NPTX2: variants seen among roughly 807,000 people sequenced by gnomAD.
NPTX2 encodes neuronal pentraxin 2.
Under a neutral mutation model 38.1 loss-of-function variants are expected in NPTX2, and 23 were observed. The ratio of observed to expected loss-of-function variants is 0.60; its 90% CI spans 0.43 to 0.85. The LOEUF (loss-of-function observed/expected upper bound fraction) is 0.85. NPTX2 is among the 40% of genes least tolerant of loss of function. The pLI, the probability that NPTX2 is intolerant of heterozygous loss-of-function variation, is 0.00. For synonymous variants in NPTX2, 291 were observed against 287.3 expected (o/e 1.01, Z -0.13); for missense variants, 553 against 615.3 (o/e 0.90, Z 1.07).
chr7:98,617,931 T>C (rs986538685), intron 1 of NPTX2, 44 bp downstream of exon 1: 7 of 1,521,620 alleles, frequency 4.6e-6, no homozygotes, highest in African/African-American at 2.8e-5. Context: ...ATGGGGACGC[T>C]CCCGAGTCGG....
chr7:98,628,267 A>G (rs575221716), intron 4 of NPTX2, 135 bp from the exon 5 acceptor site: 6 of 577,156 alleles, frequency 1.0e-5, no homozygotes, highest in Non-Finnish European at 1.2e-5. Flanking sequence ...TGGGAGCTTC[A>G]GAACCTACAG....
At position 98,628,533 on chromosome 7, in the gene NPTX2, C is replaced by A; in HGVS notation, c.1200C>A (p.Gly400=). The change falls in exon 5 of 5, where the codon GGC becomes GGA. Residue 400 remains glycine (G), a synonymous_variant. Transcript: ENST00000265634. ...CCAACTGCTCCACAAACATGCCGGGCAACATCATCCCGTGGGTGGACAATA... is the reference window on the plus strand; with the variant it reads ...CCAACTGCTCCACAAACATGCCGGGAAACATCATCCCGTGGGTGGACAATA... ...NIANCSTNMP[G]NIIPWVDNNV... 6.2e-7 allele frequency: 1 copy of A among 1,611,444 alleles called. No individual in the cohort carries two copies.
chr7:98,619,827 C>T lies in NPTX2; in HGVS notation c.611C>T (p.Ala204Val), dbSNP rs866528902. The T allele has an allele frequency of 1.2e-5, 19 of 1,613,826 alleles. No homozygotes were observed. The highest frequency in any genetic ancestry group is 2.2e-5 in the East Asian group (1 of 44,888). ...CAGAAGACCGAGAGCACCCTGAACG[C>T]GCTGCTGCAGAGGGTCACCGAGCTG... ...HRQKTESTLN[A>V]LLQRVTELER... Residue 204 changes from alanine to valine, a missense_variant, in exon 2 of 5, where the codon GCG becomes GTG. Physicochemically the swap from Ala to Val is moderately conservative, Grantham distance 64. Transcript: ENST00000265634.
chr7:98,622,782 G>A (rs146990650), intron 2 of NPTX2, among the ~76,000 whole-genome samples: 11 of 152,334 alleles, frequency 7.2e-5, no homozygotes, highest in Non-Finnish European at 1.6e-4. Flanking sequence ...CTCTGCAGTG[G>A]CATCGAGAGG....
intron 2 of NPTX2, 63 bp from the exon 3 acceptor site, chr7:98,624,859 C>T: frequency 1.9e-6 from 3 of 1,560,898 alleles, no homozygotes; most frequent in Non-Finnish European, 2.6e-6. Flanking sequence ...TGGCTCTGGG[C>T]CGTGCTGGTG....
At chr7:98,619,483 C>G (rs2115611429) in intron 1 of NPTX2, among the ~76,000 whole-genome samples, 160 bp from the exon 2 acceptor site, 1 of 152,318 alleles carries the variant, frequency 6.6e-6, no homozygotes, top group South Asian at 2.1e-4. Context: ...CTTTTCCATA[C>G]CAAAAAAGCA....
intron 2 of NPTX2, among the ~76,000 whole-genome samples, chr7:98,621,467 G>T (rs1245380488): frequency 1.3e-5 from 2 of 152,198 alleles, no homozygotes; most frequent in Non-Finnish European, 2.9e-5. Context: ...TCAGCTCTGG[G>T]ATGTGCTTTA....
chr7:98,622,181 C>T (rs1791281495), intron 2 of NPTX2, among the ~76,000 whole-genome samples: 1 of 152,238 alleles, frequency 6.6e-6, no homozygotes, highest in Non-Finnish European at 1.5e-5. Flanking sequence ...CCTGCTGAGC[C>T]TCTCCGCCAC....
At position 98,617,318 on chromosome 7, in the gene NPTX2, A is replaced by G. The variant is rs556792940; in HGVS notation, c.-144A>G. The G allele has an allele frequency of 4.2e-4, 121 of 284,938 alleles. No homozygotes were observed. The highest frequency in any genetic ancestry group is 2.7e-3 in the African/African-American group (121 of 44,890). The allele number at this position is 284,938 out of a possible 1,614,324, so 17.7% of individuals were successfully genotyped here. A position where few individuals can be genotyped will look rare whatever the true frequency, so the allele number is the denominator to read the frequency against. On this transcript the variant is annotated 5_prime_UTR_variant, in exon 1 of 5. Transcript: ENST00000265634. ...GAGCAGCGCGGTGGGTGCGGCTGTG[A>G]GACGGCAGGAGACTTCTGCCCCGCG...
In NPTX2 at chr7:98,619,807, G is replaced by A. The variant is rs755168162; in HGVS notation, c.591G>A (p.Lys197=). The change falls in exon 2 of 5, where the codon AAG becomes AAA. Residue 197 remains lysine, a synonymous_variant. Coordinates refer to ENST00000265634, the MANE Select transcript of NPTX2 (RefSeq NM_002523.3). ...ATGAGACCTCGGCTCACCGGCAGAA[G>A]ACCGAGAGCACCCTGAACGCGCTGC... The part of the protein sequence containing the change: ...LHNETSAHRQ[K]TESTLNALLQ... 1 of 1,613,942 alleles carries A rather than the reference G, an allele frequency of 6.2e-7. No homozygotes were observed. The highest frequency in any genetic ancestry group is 1.1e-5 in the South Asian group (1 of 91,076).
At position 98,619,665 on chromosome 7, in the gene NPTX2, C is replaced by A; in HGVS notation, c.449C>A (p.Ser150Tyr). Reference protein sequence around the residue: ...SLEHQLRANVSNAGLPGDFRE... With the variant: ...SLEHQLRANVYNAGLPGDFRE... ...AAGCACCAGCTCAGAGCAAACGTGT[C>A]CAATGCTGGGCTGCCCGGCGACTTC... Residue 150 changes from serine to tyrosine, a missense_variant, in exon 2 of 5, where the codon TCC becomes TAC. Transcript: ENST00000265634. 6.2e-7 allele frequency: 1 copy of A among 1,613,272 alleles called. No homozygotes were observed. Among genetic ancestry groups the A allele is most frequent in the Non-Finnish European group, 8.5e-7 (1 of 1,180,012 alleles).
At chr7:98,625,540 ACT>A (rs1234813284) in intron 3 of NPTX2, among the ~76,000 whole-genome samples, 1 of 151,630 alleles carries the variant, frequency 6.6e-6, no homozygotes, top group Non-Finnish European at 1.5e-5. Flanking sequence ...AGTGTAAGAG[ACT>A]CCCCACAAGC....
At position 98,629,811 on chromosome 7, in the gene NPTX2, T is replaced by C. The variant is rs142901812; in HGVS notation, c.*1182T>C. ...CCAAGTCGACATGCCCATCCTGACA[T>C]TGTATGCTACGAGAACTCTTCTGAT... On this transcript the variant is annotated 3_prime_UTR_variant, in exon 5 of 5. Coordinates refer to ENST00000265634, the MANE Select transcript of NPTX2 (RefSeq NM_002523.3). 526 of 152,530 alleles carry C rather than the reference T, an allele frequency of 3.4e-3. 8 individuals carry two copies. Among genetic ancestry groups the C allele is most frequent in the South Asian group, 7.7e-3 (37 of 4,830 alleles). The allele number at this position is 152,530 out of a possible 1,614,324, so 9.4% of individuals were successfully genotyped here.
chr7:98,619,031 G>C (rs752989257), intron 1 of NPTX2, among the ~76,000 whole-genome samples: 5 of 152,162 alleles, frequency 3.3e-5, no homozygotes, highest in Admixed American at 6.5e-5. Flanking sequence ...TAAATAGCTT[G>C]CCATGAACTC....
chr7:98,623,984 A>G (rs1463747708), intron 2 of NPTX2, among the ~76,000 whole-genome samples: 2 of 152,220 alleles, frequency 1.3e-5, no homozygotes, highest in South Asian at 2.1e-4. Context: ...AGAAGGAACC[A>G]GACAGAGCCT....
chr7:98,625,935 C>T (rs1791339770), intron 3 of NPTX2, among the ~76,000 whole-genome samples: 2 of 151,962 alleles, frequency 1.3e-5, no homozygotes, highest in African/African-American at 4.8e-5. Context: ...TGCTTGAGCC[C>T]AGGAGTTCAA....
rs1791410824 is a variant in NPTX2 at position 98,629,554 on chromosome 7, A to G, written c.*925A>G. The stretch of plus-strand genomic sequence containing the variant: ...TTTTAAATTCATGTTGATTCTTGTA[A>G]GCACTGGACTGTCTTCATCAAGTAT... On this transcript the variant is annotated 3_prime_UTR_variant, in exon 5 of 5. Transcript: ENST00000265634. The G allele has an allele frequency of 6.6e-6, 1 of 152,442 alleles. No individual in the cohort carries two copies. Among genetic ancestry groups the G allele is most frequent in the South Asian group, 2.1e-4 (1 of 4,820 alleles). 9.4% of individuals were successfully genotyped at this position (152,442 alleles called of 1,614,324 possible).
intron 2 of NPTX2, among the ~76,000 whole-genome samples, chr7:98,622,172 C>T (rs994740664): frequency 1.3e-5 from 2 of 152,242 alleles, no homozygotes; most frequent in Admixed American, 6.5e-5. Flanking sequence ...TGCCCACCCC[C>T]TGCTGAGCCT....
At chr7:98,622,365 C>A (rs777626475) in intron 2 of NPTX2, among the ~76,000 whole-genome samples, 2 of 152,196 alleles carry the variant, frequency 1.3e-5, no homozygotes, top group Non-Finnish European at 2.9e-5. Context: ...CTGTTGTCAC[C>A]AAGCTAACAA....
Sources: gnomAD v4.1 joint callset for allele counts (sites outside exome capture counted in the v4.1 genomes callset) on GRCh38, gnomAD v4.1.1 for gene constraint, MANE v1.5 for transcripts, NCBI Gene and HGNC (gene_info 2026-07-23, HGNC 2026-07-21) for gene names.